NUDT6: variants seen among roughly 807,000 people sequenced by gnomAD.
The protein encoded by NUDT6 is FAD diphosphatase NUDT6.
Under a neutral mutation model 36.8 loss-of-function variants are expected in NUDT6, and 24 were observed. The ratio of observed to expected loss-of-function variants is 0.65; its 90% CI spans 0.47 to 0.92. NUDT6 has a LOEUF of 0.92. Among genes scored for constraint, NUDT6 ranks in the 40% least tolerant of loss-of-function variants. NUDT6 has a pLI of 0.00. For missense variants in NUDT6, 388 were observed against 392.8 expected (o/e 0.99, Z 0.10); for synonymous variants, 163 against 157.0 (o/e 1.04, Z -0.29).
intron 3 of NUDT6, among the ~76,000 whole-genome samples, chr4:122,900,082 C>T (rs1028435324): frequency 1.3e-4 from 18 of 142,800 alleles, no homozygotes; most frequent in African/African-American, 4.7e-4. Context: ...CCCACCACCA[C>T]TGCCCCAGAG....
chr4:122,898,893 C>G (rs1727446263), intron 3 of NUDT6, among the ~76,000 whole-genome samples: 1 of 151,854 alleles, frequency 6.6e-6, no homozygotes, highest in Non-Finnish European at 1.5e-5. Context: ...ATTCCATTTA[C>G]TTTTTGAGAC....
At chr4:122,915,483 A>ACAAAC (rs1553952474) in intron 2 of NUDT6, among the ~76,000 whole-genome samples, 4 of 42,886 alleles carry the variant, frequency 9.3e-5, no homozygotes, top group African/African-American at 1.4e-4. Context: ...AAAAAAAAAA[A>ACAAAC]AAAAAAAAAA....
intron 1 of NUDT6, chr4:122,919,323 TCTC>T (rs919460429): frequency 6.6e-6 from 1 of 152,296 alleles, no homozygotes; most frequent in Non-Finnish European, 1.5e-5. Context: ...TTCAAGCGAT[TCTC>T]CTGTCTCAGC....
intron 4 of NUDT6, chr4:122,896,308 C>T (rs1489789497): frequency 6.6e-6 from 1 of 152,390 alleles, no homozygotes; most frequent in Non-Finnish European, 1.5e-5. Flanking sequence ...TCTTCAATTA[C>T]ATCTACAAGT....
chr4:122,909,897 T>A (rs1727698907), intron 3 of NUDT6, among the ~76,000 whole-genome samples: 1 of 152,240 alleles, frequency 6.6e-6, no homozygotes, highest in Non-Finnish European at 1.5e-5. Context: ...ACAGTGCCAC[T>A]GTGGATTGAG....
At chr4:122,902,468 T>C (rs137970742) in intron 3 of NUDT6, among the ~76,000 whole-genome samples, 2 of 152,322 alleles carry the variant, frequency 1.3e-5, no homozygotes, top group Admixed American at 6.5e-5. Flanking sequence ...TGTTCACTGA[T>C]GTATACCTAG....
At chr4:122,922,232 G>C in intron 1 of NUDT6, 103 bp downstream of exon 1, 2 of 961,420 alleles carry the variant, frequency 2.1e-6, no homozygotes, top group East Asian at 5.9e-5. Flanking sequence ...CTTTCCCTCT[G>C]GGCTCGACAG....
intron 3 of NUDT6, among the ~76,000 whole-genome samples, chr4:122,903,287 C>G (rs1043223571): frequency 1.3e-5 from 2 of 152,152 alleles, no homozygotes; most frequent in African/African-American, 4.8e-5. Flanking sequence ...TCTTTAGCTT[C>G]TACCAGTACC....
chr4:122,907,466 T>TTC (rs1727642005), intron 3 of NUDT6, among the ~76,000 whole-genome samples: 1 of 148,348 alleles, frequency 6.7e-6, no homozygotes, highest in East Asian at 1.9e-4. Flanking sequence ...TTTTTTTTTT[T>TTC]CTGAGACAGA....
chr4:122,910,711 T>C (rs1392367091), intron 3 of NUDT6, among the ~76,000 whole-genome samples: 1 of 152,228 alleles, frequency 6.6e-6, no homozygotes, highest in East Asian at 1.9e-4. Context: ...ACATGGAAGA[T>C]ACATAGAATT....
At chr4:122,895,802 T>C (rs754935265) in intron 4 of NUDT6, 2 of 152,236 alleles carry the variant, frequency 1.3e-5, no homozygotes, top group Non-Finnish European at 2.9e-5. Context: ...CCCAGTTAAC[T>C]AGGGTTTACT....
At chr4:122,898,248 C>G (rs1727427676) in intron 3 of NUDT6, 1 of 151,098 alleles carries the variant, frequency 6.6e-6, no homozygotes, top group Non-Finnish European at 1.5e-5. Context: ...TTCTTTGTGT[C>G]TTCTTGTCTA....
intron 4 of NUDT6, chr4:122,894,000 T>G (rs1364953793): frequency 6.6e-6 from 1 of 152,242 alleles, no homozygotes; most frequent in Admixed American, 6.5e-5. Flanking sequence ...TAGTAAATGA[T>G]ATTTGCCCTT....
At chr4:122,913,597 T>C (rs1344666248) in intron 2 of NUDT6, among the ~76,000 whole-genome samples, 1 of 152,210 alleles carries the variant, frequency 6.6e-6, no homozygotes, top group Non-Finnish European at 1.5e-5. Flanking sequence ...CTCAAATATC[T>C]CAATATTCAT....
intron 3 of NUDT6, among the ~76,000 whole-genome samples, chr4:122,910,208 A>T (rs1727705362): frequency 6.6e-6 from 1 of 152,176 alleles, no homozygotes. Context: ...TACATATTTC[A>T]AGTACAGATT....
At position 122,897,951 on chromosome 4, in the gene NUDT6, A is replaced by G. The variant is rs987992426; in HGVS notation, c.499-273T>C. ...GTGATACATTCTGTATGAATGAAAC[A>G]TTGGAGGGAAACATCTACTGAATTT... On this transcript the variant is annotated intron_variant, in intron 3 of 4. Coordinates refer to ENST00000304430, the MANE Select transcript of NUDT6 (RefSeq NM_007083.5). 4 of 329,212 alleles carry G rather than the reference A, an allele frequency of 1.2e-5. No individual in the cohort carries two copies. In the East Asian group the frequency reaches 1.6e-4, roughly 14 times the overall value. The allele number at this position is 329,212 out of a possible 1,614,324, so 20.4% of individuals were successfully genotyped here. A position where few individuals can be genotyped will look rare whatever the true frequency, so the allele number is the denominator to read the frequency against.
chr4:122,922,665 T>C, upstream of NUDT6: 1 of 1,082,764 alleles, frequency 9.2e-7, no homozygotes, highest in Non-Finnish European at 1.3e-6. Context: ...GTGCCATCAA[T>C]ACCCTCAGAG....
At chr4:122,921,113 C>T (rs562838840) in intron 1 of NUDT6, 1 of 152,108 alleles carries the variant, frequency 6.6e-6, no homozygotes, top group African/African-American at 2.4e-5. Flanking sequence ...TCATTGGGCT[C>T]AAGGTTGAAA....
chr4:122,913,706 A>G (rs1009766917), intron 2 of NUDT6, among the ~76,000 whole-genome samples: 5 of 151,934 alleles, frequency 3.3e-5, no homozygotes, highest in African/African-American at 9.7e-5. Flanking sequence ...TTTGTTTTAT[A>G]TATGTTTTAA....
Sources: gnomAD v4.1 joint callset for allele counts (sites outside exome capture counted in the v4.1 genomes callset) on GRCh38, gnomAD v4.1.1 for gene constraint, MANE v1.5 for transcripts, NCBI Gene and HGNC (gene_info 2026-07-23, HGNC 2026-07-21) for gene names.